Variants in CNTN5 observed in about 807,000 individuals in gnomAD.
The protein encoded by CNTN5 is contactin 5.
Under a neutral mutation model 129.1 loss-of-function variants are expected in CNTN5, and 77 were observed. That is an observed-to-expected ratio of 0.60 (90% CI 0.50 to 0.72). The LOEUF (loss-of-function observed/expected upper bound fraction) is 0.72, where lower values mean the gene tolerates loss of function less well. Ranked by LOEUF, CNTN5 falls within the 30% of genes least tolerant of loss-of-function variation. CNTN5 has a pLI of 0.00. For missense variants in CNTN5, 1,478 were observed against 1,328.8 expected (o/e 1.11, Z -1.75); for synonymous variants, 509 against 465.6 (o/e 1.09, Z -1.20).
chr11:99,122,993 C>T (rs898919966), intron 1 of CNTN5, among the ~76,000 whole-genome samples: 12 of 152,100 alleles, frequency 7.9e-5, no homozygotes, highest in Non-Finnish European at 1.5e-4. Flanking sequence ...TTGAATAGTG[C>T]TGTAATAAAC....
intron 1 of CNTN5, among the ~76,000 whole-genome samples, chr11:99,232,423 G>A (rs1486392251): frequency 2.6e-5 from 4 of 152,034 alleles, no homozygotes; most frequent in African/African-American, 9.7e-5. Flanking sequence ...ATTGTGAATT[G>A]GAATTCATTC....
chr11:99,369,228 ATGT>A (rs1939677554), intron 2 of CNTN5, among the ~76,000 whole-genome samples: 1 of 146,262 alleles, frequency 6.8e-6, no homozygotes, highest in Admixed American at 7.0e-5. Context: ...ATATATATAT[ATGT>A]ATTTCAAAGG....
intron 2 of CNTN5, among the ~76,000 whole-genome samples, chr11:99,442,676 T>C (rs1277112604): frequency 1.3e-5 from 2 of 152,228 alleles, no homozygotes; most frequent in Non-Finnish European, 2.9e-5. Flanking sequence ...CAAAGACATA[T>C]AAAACCAGTT....
At chr11:99,979,961 T>A (rs1938229727) in intron 8 of CNTN5, among the ~76,000 whole-genome samples, 1 of 152,160 alleles carries the variant, frequency 6.6e-6, no homozygotes, top group African/African-American at 2.4e-5. Flanking sequence ...CAAAGGGTTA[T>A]GAGGAGTAGA....
intron 6 of CNTN5, among the ~76,000 whole-genome samples, chr11:99,876,247 A>T (rs992590168): frequency 1.3e-5 from 2 of 152,102 alleles, no homozygotes; most frequent in Non-Finnish European, 2.9e-5. Context: ...CTGGAACCCC[A>T]TGGCTTCAAA....
intron 1 of CNTN5, among the ~76,000 whole-genome samples, chr11:99,317,662 C>T (rs1167332323): frequency 6.6e-6 from 1 of 152,020 alleles, no homozygotes; most frequent in African/African-American, 2.4e-5. Context: ...ATCAAGGAGC[C>T]ACGATGCACT....
chr11:99,817,314 T>G (rs1242352512), intron 3 of CNTN5, among the ~76,000 whole-genome samples: 1 of 152,220 alleles, frequency 6.6e-6, no homozygotes, highest in Non-Finnish European at 1.5e-5. Context: ...CTGCAACAGA[T>G]AAAACTGATT....
chr11:99,371,654 G>C (rs1311683390), intron 2 of CNTN5, among the ~76,000 whole-genome samples: 1 of 152,098 alleles, frequency 6.6e-6, no homozygotes, highest in African/African-American at 2.4e-5. Flanking sequence ...TCTGCTTACA[G>C]AGATCAGTCT....
chr11:100,332,727 C>T (rs1454249569), intron 21 of CNTN5, among the ~76,000 whole-genome samples: 1 of 152,112 alleles, frequency 6.6e-6, no homozygotes, highest in Non-Finnish European at 1.5e-5. Flanking sequence ...ACAGAAAAAG[C>T]ATTTGACAAA....
intron 9 of CNTN5, among the ~76,000 whole-genome samples, chr11:100,054,874 C>T (rs117609812): frequency 1.3e-5 from 2 of 151,630 alleles, no homozygotes; most frequent in East Asian, 3.9e-4. Context: ...TCTACACAGT[C>T]GTTTAGAAAC....
rs544356499 is a variant in CNTN5, at chr11:99,590,276, G to A, written c.55+34007G>A. ...ATAATAATAAAAATAGATAAGAAGA[G>A]ACTGCTGGATACAGAAAGGCAAAAG... is the stretch of plus-strand genomic sequence containing the variant. On this transcript the variant is annotated intron_variant, in intron 3 of 24. Transcript: ENST00000524871. Among the ~76,000 whole-genome samples the A allele has an allele frequency of 7.9e-5, 12 of 152,248 alleles. No individual in the cohort carries two copies. The South Asian group carries it at 8.3e-4, about 11-fold the overall frequency.
intron 2 of CNTN5, among the ~76,000 whole-genome samples, chr11:99,438,662 C>A (rs1316212630): frequency 1.3e-5 from 2 of 152,092 alleles, no homozygotes; most frequent in African/African-American, 4.8e-5. Context: ...ACACTGTATA[C>A]AGTGATGTGT....
At position 99,956,956 on chromosome 11, in the gene CNTN5, T is replaced by C. The variant is rs750705149; in HGVS notation, c.824T>C (p.Val275Ala). ...GSYICLVKNT[V>A]TNARVLSPPT... ...TATATTTGTCTGGTGAAAAACACAGTGACGAATGCTAGAGTCCTTAGTCCT... is the reference window on the plus strand; with the variant it reads ...TATATTTGTCTGGTGAAAAACACAGCGACGAATGCTAGAGTCCTTAGTCCT... The change falls in exon 8 of 25, where the codon GTG becomes GCG. Residue 275 changes from valine (V) to alanine (A), a missense_variant. Val to Ala is a moderately conservative substitution (Grantham distance 64). Transcript: ENST00000524871. 1 of 1,613,792 alleles carries C rather than the reference T, an allele frequency of 6.2e-7. No homozygotes were observed. The highest frequency in any genetic ancestry group is 1.3e-5 in the African/African-American group (1 of 74,908).
chr11:99,800,083 T>C (rs1475224255), intron 3 of CNTN5, among the ~76,000 whole-genome samples: 1 of 152,128 alleles, frequency 6.6e-6, no homozygotes, highest in African/African-American at 2.4e-5. Flanking sequence ...TTTCTAACTT[T>C]TTATGATAGA....
chr11:99,777,712 C>T (rs1181754950), intron 3 of CNTN5, among the ~76,000 whole-genome samples: 1 of 151,798 alleles, frequency 6.6e-6, no homozygotes, highest in Non-Finnish European at 1.5e-5. Context: ...CCGCAAACCT[C>T]AGGTGTAACA....
chr11:99,257,227 A>G (rs1862414539), intron 1 of CNTN5, among the ~76,000 whole-genome samples: 1 of 152,122 alleles, frequency 6.6e-6, no homozygotes, highest in African/African-American at 2.4e-5. Context: ...CTTCACAAAT[A>G]TTTACTCTGG....
At chr11:99,287,573 A>T (rs1863991342) in intron 1 of CNTN5, among the ~76,000 whole-genome samples, 1 of 152,100 alleles carries the variant, frequency 6.6e-6, no homozygotes, top group Admixed American at 6.6e-5. Flanking sequence ...CAAGTGGATT[A>T]TATGAGAATA....
intron 6 of CNTN5, among the ~76,000 whole-genome samples, chr11:99,903,827 A>C (rs1158934624): frequency 6.6e-6 from 1 of 152,196 alleles, no homozygotes; most frequent in Non-Finnish European, 1.5e-5. Flanking sequence ...AATAGCAGAA[A>C]AACAAATAAT....
intron 1 of CNTN5, among the ~76,000 whole-genome samples, chr11:99,290,679 G>C (rs1192739094): frequency 6.6e-6 from 1 of 151,814 alleles, no homozygotes. Context: ...TGATTACCAA[G>C]TATATTCCCA....
Sources: gnomAD v4.1 joint callset for allele counts (sites outside exome capture counted in the v4.1 genomes callset) on GRCh38, gnomAD v4.1.1 for gene constraint, MANE v1.5 for transcripts, NCBI Gene and HGNC (gene_info 2026-07-23, HGNC 2026-07-21) for gene names.